Variants in MARCO observed in about 807,000 individuals in gnomAD.
MARCO encodes macrophage receptor with collagenous structure, also known as macrophage receptor MARCO.
In MARCO, 72 loss-of-function variants were observed where a neutral mutation model predicts 70.0. The observed-to-expected ratio is 1.03, with a 90% CI of 0.85 to 1.25. The LOEUF is 1.25. MARCO is among the 50% of genes most tolerant of loss of function. The probability of loss-of-function intolerance (pLI) is 0.00; values close to 1 mark genes in which losing one functional copy is unlikely to be tolerated. For missense variants in MARCO, 696 were observed against 659.3 expected, an observed-to-expected ratio of 1.06 and a Z score of -0.61; for synonymous variants, 273 against 243.1, an observed-to-expected ratio of 1.12 and a Z score of -1.14.
chr2:118,986,698 AAAGAAAGAAAGAAAGAAAGAAAGAAAAG>A (rs1680516214), intron 12 of MARCO, among the ~76,000 whole-genome samples: 8 of 112,054 alleles, frequency 7.1e-5, no homozygotes, highest in South Asian at 3.6e-4. Context: ...AGAAAGAAAG[AAAGAAAGAAAGAAAGAAAGAAAGAAAAG>A]AAAGAAAGAA....
chr2:118,969,096 C>G, intron 1 of MARCO, 64 bp from the exon 2 acceptor site: 1 of 1,169,908 alleles, frequency 8.5e-7, no homozygotes, highest in Middle Eastern at 2.1e-4. Context: ...GGGCCTGGAG[C>G]AGGCAGGGAC....
At chr2:118,986,708 A>G (rs1329306022) in intron 12 of MARCO, among the ~76,000 whole-genome samples, 5 of 119,904 alleles carry the variant, frequency 4.2e-5, no homozygotes, top group East Asian at 2.6e-4. Flanking sequence ...AAAGAAAGAA[A>G]GAAAGAAAGA....
chr2:118,972,457 C>T (rs1219044000), intron 4 of MARCO, among the ~76,000 whole-genome samples: 3 of 152,108 alleles, frequency 2.0e-5, no homozygotes, highest in African/African-American at 7.2e-5. Flanking sequence ...ACTGGTGGGC[C>T]TACAGAAAAT....
intron 2 of MARCO, among the ~76,000 whole-genome samples, chr2:118,969,555 T>A (rs17009752): frequency 0.18 from 27,824 of 152,180 alleles, 3,351 homozygotes; most frequent in African/African-American, 0.33. Flanking sequence ...TGACACACAC[T>A]TCTGACATCT....
At chr2:118,947,065 C>T (rs956842835) in intron 1 of MARCO, among the ~76,000 whole-genome samples, 1 of 151,830 alleles carries the variant, frequency 6.6e-6, no homozygotes, top group African/African-American at 2.4e-5. Context: ...ATATATAAGT[C>T]CTTTGCTAGA....
At chr2:118,992,190 C>T (rs1680635953) in intron 14 of MARCO, among the ~76,000 whole-genome samples, 1 of 152,168 alleles carries the variant, frequency 6.6e-6, no homozygotes, top group Non-Finnish European at 1.5e-5. Flanking sequence ...TATCTCTGAC[C>T]AGACCAAGCA....
chr2:118,974,530 G>T lies in MARCO; in HGVS notation c.578G>T (p.Gly193Val), dbSNP rs1231089337. The part of the protein sequence containing the change: ...MGRDGATGPS[G>V]PQGPPGVKGE... Reference sequence around the variant, plus strand: ...TCCCTTTCCCTTCCAGGCCCCTCGGGACCCCAAGGCCCACCGGGAGTCAAG... The same window carrying T: ...TCCCTTTCCCTTCCAGGCCCCTCGGTACCCCAAGGCCCACCGGGAGTCAAG... The change falls in exon 6 of 17, where the codon GGA becomes GTA. Residue 193 changes from glycine (G) to valine (V), a missense_variant. Gly to Val is a moderately radical substitution (Grantham distance 109, BLOSUM62 -3). Around this residue, in one of 3 missense-constraint regions of MARCO, gnomAD observed 605 missense variants for 537.6 expected, o/e 1.13. Coordinates refer to ENST00000327097, the MANE Select transcript of MARCO (RefSeq NM_006770.4). 1.9e-6 allele frequency: 3 copies of T among 1,613,914 alleles called. No individual in the cohort carries two copies. The highest frequency in any genetic ancestry group is 2.2e-5 in the East Asian group (1 of 44,854).
intron 1 of MARCO, among the ~76,000 whole-genome samples, chr2:118,945,836 T>C (rs578050655): frequency 1.3e-5 from 2 of 152,320 alleles, no homozygotes; most frequent in Admixed American, 1.3e-4. Context: ...AGGGTTTTTA[T>C]TGTTGTTTGT....
intron 1 of MARCO, among the ~76,000 whole-genome samples, chr2:118,947,186 T>A (rs1019464339): frequency 6.6e-6 from 1 of 152,218 alleles, no homozygotes; most frequent in African/African-American, 2.4e-5. Flanking sequence ...AACCTAACAA[T>A]TTTTCCATGT....
chr2:118,960,081 C>T (rs1679913257), intron 1 of MARCO, among the ~76,000 whole-genome samples: 1 of 151,564 alleles, frequency 6.6e-6, no homozygotes, highest in African/African-American at 2.4e-5. Context: ...TAACCAAATA[C>T]AACCTATACC....
chr2:118,990,126 A>G (rs1680592778), intron 12 of MARCO, among the ~76,000 whole-genome samples: 1 of 152,236 alleles, frequency 6.6e-6, no homozygotes, highest in African/African-American at 2.4e-5. Flanking sequence ...ACAATGAAAA[A>G]AACCAACAAA....
At chr2:118,992,882 GCAAACCAGCCACAGGGGCACCTGCCCCT>G in intron 15 of MARCO, 1 of 487,218 alleles carries the variant, frequency 2.1e-6, no homozygotes, top group African/African-American at 2.0e-5. Context: ...TATGCGATTT[GCAAACCAGCCACAGGGGCACCTGCCCCT>G]GTGGCCTTGT....
At chr2:118,958,738 A>T (rs1326554641) in intron 1 of MARCO, among the ~76,000 whole-genome samples, 1 of 152,164 alleles carries the variant, frequency 6.6e-6, no homozygotes, top group African/African-American at 2.4e-5. Flanking sequence ...GAGGCATCAC[A>T]CTATCTGATT....
intron 12 of MARCO, among the ~76,000 whole-genome samples, chr2:118,987,858 G>T (rs920162903): frequency 6.6e-5 from 10 of 152,212 alleles, no homozygotes; most frequent in African/African-American, 2.4e-4. Flanking sequence ...TTAGGGGGAA[G>T]AAATGGCCTC....
At position 118,990,049 on chromosome 2, in the gene MARCO, GTTA is replaced by G. The variant is rs1344645676; in HGVS notation, c.1064-534_1064-532del. Among the ~76,000 whole-genome samples, 7 of 152,236 alleles carry G rather than the reference GTTA, an allele frequency of 4.6e-5. No homozygotes were observed. The East Asian group carries it at 1.4e-3, about 29-fold the overall frequency. The stretch of plus-strand genomic sequence containing the variant: ...AATAGGATCATCATCAATGACTGTG[GTTA>G]TTATTTTTCCATTTTCTGGACATTA... On this transcript the variant is annotated intron_variant, in intron 12 of 16. Coordinates refer to ENST00000327097, the MANE Select transcript of MARCO (RefSeq NM_006770.4).
chr2:118,971,651 C>T (rs772506517), intron 4 of MARCO, 117 bp downstream of exon 4: 1 of 933,074 alleles, frequency 1.1e-6, no homozygotes, highest in Non-Finnish European at 1.7e-6. Flanking sequence ...CTTCCCCTGT[C>T]TCCACAGCCT....
intron 1 of MARCO, among the ~76,000 whole-genome samples, chr2:118,961,228 T>C (rs2104564989): frequency 6.6e-6 from 1 of 152,240 alleles, no homozygotes; most frequent in African/African-American, 2.4e-5. Flanking sequence ...TATAATAGAA[T>C]GGTTTGTAAT....
chr2:118,946,540 A>C (rs991988000), intron 1 of MARCO, among the ~76,000 whole-genome samples: 9 of 152,182 alleles, frequency 5.9e-5, no homozygotes, highest in East Asian at 1.9e-4. Context: ...CCATGATATG[A>C]ATATATCAAA....
At chr2:118,945,437 G>A (rs1679578397) in intron 1 of MARCO, among the ~76,000 whole-genome samples, 4 of 147,906 alleles carry the variant, frequency 2.7e-5, no homozygotes, top group Non-Finnish European at 5.9e-5. Flanking sequence ...TTTTGAGATG[G>A]AGTCTCGCTC....
Sources: allele counts gnomAD v4.1 joint callset (sites outside exome capture counted in the v4.1 genomes callset), GRCh38; gene constraint gnomAD v4.1.1; regional missense constraint gnomAD v4.1.1; transcripts MANE v1.5; gene names NCBI Gene and HGNC (gene_info 2026-07-23, HGNC 2026-07-21).